DMD: variants seen among roughly 807,000 people sequenced by gnomAD.
DMD encodes mutant dystrophin.
DMD carries 63 observed loss-of-function variants against 330.1 expected under a neutral mutation model. The ratio of observed to expected loss-of-function variants is 0.19; its 90% CI spans 0.16 to 0.24. The LOEUF (loss-of-function observed/expected upper bound fraction) is 0.24, where lower values mean the gene tolerates loss of function less well. Among genes scored for constraint, DMD ranks in the 10% least tolerant of loss-of-function variants. DMD has a pLI of 1.00. For missense variants in DMD, 3,344 were observed against 2,684.1 expected (o/e 1.25, Z -5.43); for synonymous variants, 1,223 against 959.8 (o/e 1.27, Z -5.07).
chrX:32,954,665 AT>A (rs889154202), intron 2 of DMD, among the ~76,000 whole-genome samples: 57 of 109,629 alleles, frequency 5.2e-4, no homozygotes, highest in Middle Eastern at 4.6e-3. Flanking sequence ...ACCATCAGTT[AT>A]TTTTTTTTAA....
intron 34 of DMD, among the ~76,000 whole-genome samples, chrX:32,369,562 T>G (rs1161706328): frequency 9.0e-6 from 1 of 111,252 alleles, no homozygotes; most frequent in African/African-American, 3.3e-5. Context: ...AAAAATCATC[T>G]GGTCCTATAG....
At chrX:32,351,370 G>A (rs2097781353) in intron 37 of DMD, among the ~76,000 whole-genome samples, 1 of 110,502 alleles carries the variant, frequency 9.0e-6, no homozygotes, top group Admixed American at 9.7e-5. Context: ...TGAACATGGA[G>A]GATTTTAGAT....
intron 30 of DMD, among the ~76,000 whole-genome samples, chrX:32,398,000 T>A (rs2098057779): frequency 9.0e-6 from 1 of 111,173 alleles, no homozygotes; most frequent in African/African-American, 3.3e-5. Flanking sequence ...GTTAGATTAG[T>A]AATTTTGAAA....
chrX:31,281,557 T>A (rs2052611315), intron 62 of DMD, among the ~76,000 whole-genome samples: 1 of 95,299 alleles, frequency 1.0e-5, no homozygotes, highest in Non-Finnish European at 2.0e-5. Context: ...ATCTCTTTAC[T>A]TTTTAAACGT....
intron 2 of DMD, among the ~76,000 whole-genome samples, chrX:32,971,538 A>G (rs72626067): frequency 0.033 from 3,695 of 111,319 alleles, 112 homozygotes; most frequent in East Asian, 0.22. Context: ...TAACTTGTAT[A>G]TACTCAGTGT....
At chrX:32,785,330 CAA>C (rs1488047899) in intron 7 of DMD, among the ~76,000 whole-genome samples, 3 of 111,129 alleles carry the variant, frequency 2.7e-5, no homozygotes. Context: ...TAAGCTCTGA[CAA>C]TAATTCTAAT....
At position 31,995,318 on chromosome X, in the gene DMD, T is replaced by C. The variant is rs143514202; in HGVS notation, c.6439-26804A>G. 3.5e-3 allele frequency among the ~76,000 whole-genome samples: 398 copies of C among 112,126 alleles called. 6 individuals are homozygous for C. Among genetic ancestry groups the C allele is most frequent in the Middle Eastern group, 0.018 (4 of 218 alleles). On this transcript the variant is annotated intron_variant, in intron 44 of 78. Coordinates refer to ENST00000357033, the MANE Select transcript of DMD (RefSeq NM_004006.3). ...TGAAAAGATGCATTATCATAATGAATGCATTAGAGATAACAAACATATGTA... is the reference window on the plus strand; with the variant it reads ...TGAAAAGATGCATTATCATAATGAACGCATTAGAGATAACAAACATATGTA...
intron 30 of DMD, among the ~76,000 whole-genome samples, chrX:32,399,010 G>A (rs1048756128): frequency 8.0e-4 from 89 of 111,728 alleles, no homozygotes; most frequent in African/African-American, 2.7e-3. Context: ...TTCAATAAAT[G>A]GTGCTGGGAA....
chrX:33,059,463 G>A (rs893814223), intron 1 of DMD, among the ~76,000 whole-genome samples: 1 of 110,614 alleles, frequency 9.0e-6, no homozygotes, highest in African/African-American at 3.3e-5. Flanking sequence ...CAGGAAAAGG[G>A]GTTCAAGAAG....
intron 16 of DMD, among the ~76,000 whole-genome samples, chrX:32,556,826 C>T (rs1163479102): frequency 1.8e-5 from 2 of 111,523 alleles, no homozygotes; most frequent in African/African-American, 6.5e-5. Flanking sequence ...TAAGAGATTT[C>T]AACTTCTTGC....
chrX:31,522,399 A>T lies in DMD; in HGVS notation c.8218-14946T>A, dbSNP rs188052663. Among the ~76,000 whole-genome samples, 671 of 89,735 alleles carry T rather than the reference A, an allele frequency of 7.5e-3. 6 individuals are homozygous for T. The highest frequency in any genetic ancestry group is 0.01 in the Non-Finnish European group (476 of 47,343). 77.9% of individuals were successfully genotyped at this position (89,735 alleles called of 115,157 possible). A position where few individuals can be genotyped will look rare whatever the true frequency, so the allele number is the denominator to read the frequency against. Reference sequence around the variant, plus strand: ...TATATATATATATAGCTGCACAGGAAGGAGGGCCTGGATTGTGAAGGGGCT... The same window carrying T: ...TATATATATATATAGCTGCACAGGATGGAGGGCCTGGATTGTGAAGGGGCT... On this transcript the variant is annotated intron_variant, in intron 55 of 78. Coordinates refer to ENST00000357033, the MANE Select transcript of DMD (RefSeq NM_004006.3).
chrX:32,889,659 T>C lies in DMD; in HGVS notation c.94-39839A>G, dbSNP rs148257181. 9.5e-3 allele frequency among the ~76,000 whole-genome samples: 1,053 copies of C among 111,199 alleles called. 9 individuals carry two copies. Among genetic ancestry groups the C allele is most frequent in the African/African-American group, 0.033 (1,012 of 30,519 alleles). On this transcript the variant is annotated intron_variant, in intron 2 of 78. Transcript: ENST00000357033. ...TCTCCCCCACCCTTAAGAAGGTTCT[T>C]TGTCATTCTCCCCACCCTTGAGAAT...
chrX:31,833,918 G>T (rs755104430), intron 49 of DMD, among the ~76,000 whole-genome samples: 1 of 110,514 alleles, frequency 9.0e-6, no homozygotes, highest in Non-Finnish European at 1.9e-5. Flanking sequence ...TCTTTTTAAA[G>T]AATATCATTT....
chrX:32,390,886 A>T (rs1296335876), intron 30 of DMD, among the ~76,000 whole-genome samples: 4 of 111,818 alleles, frequency 3.6e-5, no homozygotes, highest in African/African-American at 1.3e-4. Flanking sequence ...TATGAATCTA[A>T]GAAATGGAAG....
At chrX:32,441,132 T>C (rs748420676) in intron 28 of DMD, 48 bp downstream of exon 28, 101 of 1,180,538 alleles carry the variant, frequency 8.6e-5, no homozygotes, top group Non-Finnish European at 1.1e-4. Context: ...TTGACCTCTT[T>C]TAATACTGCA....
chrX:33,172,502 A>G (rs1324819639), intron 1 of DMD, among the ~76,000 whole-genome samples: 1 of 111,349 alleles, frequency 9.0e-6, no homozygotes, highest in Non-Finnish European at 1.9e-5. Flanking sequence ...GCAACTAGCA[A>G]TAGACAAAGG....
At chrX:32,061,181 A>G (rs1050151941) in intron 44 of DMD, among the ~76,000 whole-genome samples, 7 of 111,268 alleles carry the variant, frequency 6.3e-5, no homozygotes, top group African/African-American at 2.3e-4. Context: ...GCAGTTGTTT[A>G]TGGATACCTC....
chrX:33,062,126 G>T (rs1378847933), intron 1 of DMD, among the ~76,000 whole-genome samples: 5 of 111,967 alleles, frequency 4.5e-5, no homozygotes, highest in Non-Finnish European at 9.4e-5. Context: ...CACATTTTCA[G>T]TATTGAATAA....
chrX:33,279,705 G>A (rs911111320), intron 1 of DMD, among the ~76,000 whole-genome samples: 3 of 110,900 alleles, frequency 2.7e-5, no homozygotes, highest in Admixed American at 9.6e-5. Context: ...CAGTTTCTCC[G>A]CTTCCTTGCC....
Sources: allele counts gnomAD v4.1 joint callset (sites outside exome capture counted in the v4.1 genomes callset), GRCh38; gene constraint gnomAD v4.1.1; transcripts MANE v1.5; gene names NCBI Gene and HGNC (gene_info 2026-07-23, HGNC 2026-07-21).